The following ODAD2 variants were observed in gnomAD, a reference collection of about 807,000 sequenced individuals.
ODAD2 encodes outer dynein arm docking complex subunit 2.
Under a neutral mutation model 106.8 loss-of-function variants are expected in ODAD2, and 89 were observed. The ratio of observed to expected loss-of-function variants is 0.83; its 90% CI spans 0.70 to 0.99. ODAD2 has a LOEUF of 0.99. ODAD2 is among the 50% of genes least tolerant of loss of function. The pLI, the probability that ODAD2 is intolerant of heterozygous loss-of-function variation, is 0.00. For synonymous variants in ODAD2, 404 were observed against 436.2 expected, an observed-to-expected ratio of 0.93 and a Z score of 0.92; for missense variants, 1,168 against 1,238.5, an observed-to-expected ratio of 0.94 and a Z score of 0.85.
At chr10:27,957,595 AAAG>A (rs1490039406) in intron 10 of ODAD2, 4 of 152,226 alleles carry the variant, frequency 2.6e-5, no homozygotes, top group Non-Finnish European at 4.4e-5. Flanking sequence ...ATGGGGGAGA[AAAG>A]AAGCTGGAAG....
chr10:27,825,284 C>T (rs758930945), intron 19 of ODAD2, among the ~76,000 whole-genome samples: 5 of 152,166 alleles, frequency 3.3e-5, no homozygotes, highest in Non-Finnish European at 4.4e-5. Flanking sequence ...GCCAAGTTCT[C>T]AATACGCAAA....
chr10:27,814,661 C>T (rs1835990017), intron 19 of ODAD2, among the ~76,000 whole-genome samples: 2 of 152,230 alleles, frequency 1.3e-5, no homozygotes, highest in African/African-American at 4.8e-5. Context: ...TGTCCATGGG[C>T]TCACATACTT....
chr10:27,919,435 A>G (rs1844621656), intron 16 of ODAD2, among the ~76,000 whole-genome samples: 1 of 152,094 alleles, frequency 6.6e-6, no homozygotes, highest in South Asian at 2.1e-4. Context: ...AATAATGCAT[A>G]TGTGTTCAAA....
intron 16 of ODAD2, among the ~76,000 whole-genome samples, chr10:27,931,826 G>A (rs572786480): frequency 9.3e-5 from 14 of 150,550 alleles, no homozygotes; most frequent in South Asian, 4.3e-4. Flanking sequence ...TAGAGGCTTC[G>A]CAAGAGTAAG....
chr10:27,890,801 G>C (rs1461803823), intron 17 of ODAD2, among the ~76,000 whole-genome samples: 2 of 151,318 alleles, frequency 1.3e-5, no homozygotes, highest in East Asian at 3.9e-4. Context: ...ATTATCATTC[G>C]TTACTCTAAT....
At chr10:27,898,159 T>C (rs1428741787) in intron 17 of ODAD2, among the ~76,000 whole-genome samples, 4 of 152,180 alleles carry the variant, frequency 2.6e-5, no homozygotes, top group East Asian at 1.9e-4. Flanking sequence ...CATTTAAATA[T>C]AGATTTTCAA....
At chr10:27,858,343 T>A (rs1839802813) in intron 19 of ODAD2, among the ~76,000 whole-genome samples, 1 of 152,164 alleles carries the variant, frequency 6.6e-6, no homozygotes, top group Admixed American at 6.5e-5. Flanking sequence ...CCAGGTTGCA[T>A]ATTTCTGCTG....
chr10:27,907,802 T>C (rs1031452921), intron 16 of ODAD2, 25 bp from the exon 17 acceptor site: 3 of 1,442,430 alleles, frequency 2.1e-6, no homozygotes, highest in Middle Eastern at 1.9e-4. Flanking sequence ...AAAATCATGA[T>C]ATAAACTGTC....
At chr10:27,827,379 C>CACTATATA (rs1239159370) in intron 19 of ODAD2, among the ~76,000 whole-genome samples, 20 of 132,462 alleles carry the variant, frequency 1.5e-4, no homozygotes, top group African/African-American at 5.1e-4. Context: ...CACACACACA[C>CACTATATA]TATATATATA....
intron 17 of ODAD2, among the ~76,000 whole-genome samples, chr10:27,880,691 C>A (rs1032367478): frequency 6.6e-6 from 1 of 152,184 alleles, no homozygotes; most frequent in African/African-American, 2.4e-5. Context: ...GACACAGCAA[C>A]CAAGTGCCAT....
At position 27,860,657 on chromosome 10, in the gene ODAD2, A is replaced by T. The variant is rs1033227669; in HGVS notation, c.2989T>A (p.Cys997Ser). The change falls in exon 19 of 20, where the codon TGC becomes AGC. Residue 997 changes from cysteine to serine, a missense_variant. By Grantham distance (112) the Cys-to-Ser change is moderately radical. This residue lies in a region of ODAD2 where 701 missense variants were observed against 712.3 expected (regional missense o/e 0.98). Transcript: ENST00000305242. ...LYQLSEDADN[C>S]ITMHENGAVK... ...GCACCATTCTCATGCATGGTGATGC[A>T]GTTATCGGCGTCTTCTGAGAGTTGG... 1 of 1,614,098 alleles carries T rather than the reference A, an allele frequency of 6.2e-7. No homozygotes were observed. The highest frequency in any genetic ancestry group is 1.3e-5 in the African/African-American group (1 of 75,038).
chr10:27,977,405 A>AG lies in ODAD2; in HGVS notation c.936+4060_936+4061insC, dbSNP rs1166281132. ...CGGTGAAACCCCATTTCTGCTAAAA[A>AG]AAAAAAAAAAAATTAGCCAGGCGCG... On this transcript the variant is annotated intron_variant, in intron 7 of 19. Coordinates refer to ENST00000305242, the MANE Select transcript of ODAD2 (RefSeq NM_018076.5). Among the ~76,000 whole-genome samples the AG allele has an allele frequency of 2.0e-5, 3 of 151,646 alleles. No individual in the cohort carries two copies. In the East Asian group the frequency reaches 5.8e-4, roughly 29 times the overall value.
chr10:27,928,956 G>A (rs1434849551), intron 16 of ODAD2, among the ~76,000 whole-genome samples: 1 of 152,030 alleles, frequency 6.6e-6, no homozygotes, highest in African/African-American at 2.4e-5. Flanking sequence ...ATTTGCCAAA[G>A]GAAAAATAGT....
chr10:27,981,692 T>C, intron 6 of ODAD2, 110 bp from the exon 7 acceptor site: 1 of 779,908 alleles, frequency 1.3e-6, no homozygotes, highest in South Asian at 1.9e-5. Context: ...CCGAAGGATC[T>C]ATATGGTAGT....
chr10:27,858,650 TG>T (rs1379663167), intron 19 of ODAD2, among the ~76,000 whole-genome samples: 2 of 70,178 alleles, frequency 2.8e-5, no homozygotes, highest in Non-Finnish European at 4.1e-5. Flanking sequence ...ACTGTGTGGG[TG>T]GGCCAAACAC....
chr10:27,835,298 G>T (rs1449697824), intron 19 of ODAD2, among the ~76,000 whole-genome samples: 1 of 152,184 alleles, frequency 6.6e-6, no homozygotes, highest in Non-Finnish European at 1.5e-5. Context: ...GTCTGAGTTG[G>T]TTCAATGTAC....
chr10:27,841,653 C>G (rs1270691467), intron 19 of ODAD2, among the ~76,000 whole-genome samples: 1 of 152,150 alleles, frequency 6.6e-6, no homozygotes, highest in Admixed American at 6.5e-5. Context: ...GCCTCGGCCT[C>G]CCAAACTGCT....
At chr10:27,865,114 A>C (rs1840346863) in intron 17 of ODAD2, among the ~76,000 whole-genome samples, 1 of 152,026 alleles carries the variant, frequency 6.6e-6, no homozygotes, top group Non-Finnish European at 1.5e-5. Flanking sequence ...TTGTTTGCAA[A>C]CCTTTCAAGG....
intron 17 of ODAD2, among the ~76,000 whole-genome samples, chr10:27,893,952 T>C (rs1842714622): frequency 6.6e-6 from 1 of 152,000 alleles, no homozygotes; most frequent in African/African-American, 2.4e-5. Flanking sequence ...GAGTTTGAGA[T>C]CATCCTGGGC....
Sources: gnomAD v4.1 joint callset for allele counts (sites outside exome capture counted in the v4.1 genomes callset) on GRCh38, gnomAD v4.1.1 for gene constraint, gnomAD v4.1.1 regional missense constraint, MANE v1.5 for transcripts, NCBI Gene and HGNC (gene_info 2026-07-23, HGNC 2026-07-21) for gene names.